The following MAP3K13 variants were observed in gnomAD, a reference collection of about 807,000 sequenced individuals.
MAP3K13 encodes the protein mitogen-activated protein kinase kinase kinase 13.
MAP3K13 carries 52 observed loss-of-function variants against 104.0 expected under a neutral mutation model. The ratio of observed to expected loss-of-function variants is 0.50; its 90% CI spans 0.40 to 0.63. The LOEUF is 0.63. Ranked by LOEUF, MAP3K13 falls within the 20% of genes least tolerant of loss-of-function variation. The probability of loss-of-function intolerance (pLI) is 0.00; values close to 1 mark genes in which losing one functional copy is unlikely to be tolerated. For missense variants in MAP3K13, 914 were observed against 1,218.5 expected (o/e 0.75, Z 3.72); for synonymous variants, 394 against 442.2 (o/e 0.89, Z 1.37).
At chr3:185,429,706 A>G (rs1714636263) in intron 2 of MAP3K13, among the ~76,000 whole-genome samples, 1 of 152,212 alleles carries the variant, frequency 6.6e-6, no homozygotes, top group Non-Finnish European at 1.5e-5. Context: ...TGGCTGCTGG[A>G]CCAATTTAAA....
chr3:185,437,830 C>G (rs114854661), intron 3 of MAP3K13, among the ~76,000 whole-genome samples, 200 bp downstream of exon 3: 1 of 151,906 alleles, frequency 6.6e-6, no homozygotes, highest in Non-Finnish European at 1.5e-5. Flanking sequence ...TTCATTTTGC[C>G]GAAGTATGTG....
intron 1 of MAP3K13, among the ~76,000 whole-genome samples, chr3:185,426,351 A>AT (rs1714417868): frequency 6.6e-6 from 1 of 152,182 alleles, no homozygotes; most frequent in South Asian, 2.1e-4. Flanking sequence ...AAGTTTTGGG[A>AT]TTACAGGCGT....
chr3:185,361,656 G>C (rs1431730037), upstream of MAP3K13, among the ~76,000 whole-genome samples: 1 of 152,104 alleles, frequency 6.6e-6, no homozygotes, highest in African/African-American at 2.4e-5. Flanking sequence ...GCCCACCTTG[G>C]CCTCCCAAAG....
intron 3 of MAP3K13, among the ~76,000 whole-genome samples, chr3:185,439,926 A>G (rs1357626477): frequency 6.6e-6 from 1 of 152,230 alleles, no homozygotes; most frequent in Admixed American, 6.5e-5. Context: ...GGCATTGTGC[A>G]GTGTTATGTT....
chr3:185,477,473 C>G, intron 12 of MAP3K13, 77 bp downstream of exon 12: 5 of 1,041,618 alleles, frequency 4.8e-6, no homozygotes, highest in Non-Finnish European at 7.5e-6. Context: ...ACCTGCTCTT[C>G]AACCACAGGT....
At position 185,307,548 on chromosome 3, in the gene MAP3K13, C is replaced by A. The variant is rs540878628; in HGVS notation, c.-86+21905C>A. ...ATTTCCATTTGGTGCACCACCCCCT[C>A]CCCCGCCACCCCGAGATGCAGTCTT... On this transcript the variant is annotated intron_variant, in intron 2 of 14. Transcript: ENST00000424227. 1.5e-4 allele frequency among the ~76,000 whole-genome samples: 19 copies of A among 128,010 alleles called. 3 individuals carry two copies. In the East Asian group the frequency reaches 4.2e-3, roughly 28 times the overall value. The allele number at this position is 128,010 out of a possible 152,430, so 84.0% of individuals were successfully genotyped here.
chr3:185,377,927 G>A (rs912266760), intron 1 of MAP3K13, among the ~76,000 whole-genome samples: 5 of 152,232 alleles, frequency 3.3e-5, no homozygotes, highest in Non-Finnish European at 5.9e-5. Flanking sequence ...GATGGGACAT[G>A]GCTTGGGAGG....
chr3:185,304,793 C>T (rs6444043), intron 2 of MAP3K13, among the ~76,000 whole-genome samples: 118,047 of 151,884 alleles, frequency 0.78, 46,415 homozygotes, highest in Non-Finnish European at 0.84. Context: ...GCCACCATGC[C>T]CAGCTAATTT....
At chr3:185,338,204 C>T (rs1030039876) in intron 2 of MAP3K13, among the ~76,000 whole-genome samples, 1 of 151,520 alleles carries the variant, frequency 6.6e-6, no homozygotes, top group African/African-American at 2.4e-5. Flanking sequence ...GTGGCGTGCT[C>T]CTATAATCCC....
chr3:185,454,856 C>CATGATATATATGAGATATATAT, intron 7 of MAP3K13, among the ~76,000 whole-genome samples: 1 of 18,580 alleles, frequency 5.4e-5, no homozygotes, highest in African/African-American at 1.3e-4. Context: ...GAGATATATA[C>CATGATATATATGAGATATATAT]ATGATATATA....
rs2148936914 is a variant in MAP3K13 at position 185,488,746 on chromosome 3, AGCATGT to A, written c.*6294_*6299del. ...ACTGCAGGCCAAGGGAACCCCAGCC[AGCATGT>A]GCAAGCTATTAGGAAGATGTCCCAT... On this transcript the variant is annotated 3_prime_UTR_variant, in exon 14 of 14. Coordinates refer to ENST00000265026, the MANE Select transcript of MAP3K13 (RefSeq NM_004721.5). 1 of 152,446 alleles carries A rather than the reference AGCATGT, an allele frequency of 6.6e-6. No homozygotes were observed. The highest frequency in any genetic ancestry group is 1.9e-4 in the East Asian group (1 of 5,194). The allele number at this position is 152,446 out of a possible 1,614,324, so 9.4% of individuals were successfully genotyped here. A position where few individuals can be genotyped will look rare whatever the true frequency, so the allele number is the denominator to read the frequency against.
rs1393831730 is a variant in MAP3K13 at position 185,453,865 on chromosome 3, A to ATACATATATATGAGATATATATG, written c.1278+2471_1278+2472insACATATATATGAGATATATATGT. Among the ~76,000 whole-genome samples, 2 of 6,310 alleles carry ATACATATATATGAGATATATATG rather than the reference A, an allele frequency of 3.2e-4. 1 individual carries two copies. Among genetic ancestry groups the ATACATATATATGAGATATATATG allele is most frequent in the African/African-American group, 5.7e-4 (2 of 3,534 alleles). The allele number at this position is 6,310 out of a possible 152,430, so 4.1% of individuals were successfully genotyped here. A position where few individuals can be genotyped will look rare whatever the true frequency, so the allele number is the denominator to read the frequency against. ...ATACATATATATGAGATATATATAT[A>ATACATATATATGAGATATATATG]TGATACATATATATGAGATATATAT... On this transcript the variant is annotated intron_variant, in intron 7 of 13. Coordinates refer to ENST00000265026, the MANE Select transcript of MAP3K13 (RefSeq NM_004721.5).
intron 2 of MAP3K13, among the ~76,000 whole-genome samples, chr3:185,352,763 CA>C (rs1319394763): frequency 3.3e-5 from 5 of 152,166 alleles, no homozygotes; most frequent in Non-Finnish European, 7.3e-5. Flanking sequence ...GCACTATGGC[CA>C]GCCCCCTTCC....
chr3:185,424,343 G>A (rs1000510163), intron 1 of MAP3K13, among the ~76,000 whole-genome samples: 4 of 152,214 alleles, frequency 2.6e-5, no homozygotes, highest in African/African-American at 9.7e-5. Flanking sequence ...ATGAAAGTGA[G>A]GAGTCATAAA....
intron 7 of MAP3K13, among the ~76,000 whole-genome samples, chr3:185,455,727 T>TC (rs1716641286): frequency 1.8e-4 from 2 of 10,870 alleles, no homozygotes; most frequent in South Asian, 7.6e-3. Context: ...ATATATATGA[T>TC]ATATATATGA....
In MAP3K13 at chr3:185,447,813, G is replaced by A. The variant is rs766769856; in HGVS notation, c.876G>A (p.Ala292=). Residue 292 remains alanine, a synonymous_variant, in exon 5 of 14, where the codon GCG becomes GCA. Coordinates refer to ENST00000265026, the MANE Select transcript of MAP3K13 (RefSeq NM_004721.5). Reference sequence around the variant, plus strand: ...GTGTTTTAGTGACCCACACAGATGCGGTAAAAATTTCAGATTTTGGTACAT... The same window carrying A: ...GTGTTTTAGTGACCCACACAGATGCAGTAAAAATTTCAGATTTTGGTACAT... ...SPNVLVTHTD[A]VKISDFGTSK... is the part of the protein sequence containing the mutation. 30 of 1,611,960 alleles carry A rather than the reference G, an allele frequency of 1.9e-5. No individual in the cohort carries two copies. The highest frequency in any genetic ancestry group is 6.6e-5 in the South Asian group (6 of 90,602).
intron 2 of MAP3K13, among the ~76,000 whole-genome samples, chr3:185,338,920 A>G (rs1210995717): frequency 2.0e-5 from 3 of 152,238 alleles, no homozygotes; most frequent in Non-Finnish European, 4.4e-5. Context: ...TAATAGAGTT[A>G]AGAGTGTATA....
intron 1 of MAP3K13, among the ~76,000 whole-genome samples, chr3:185,393,816 G>C (rs1712220433): frequency 6.6e-6 from 1 of 152,152 alleles, no homozygotes; most frequent in Admixed American, 6.5e-5. Flanking sequence ...CCCTGGGCAA[G>C]AGTACTCAAT....
intron 2 of MAP3K13, among the ~76,000 whole-genome samples, chr3:185,332,229 C>G (rs1490644272): frequency 9.9e-5 from 1 of 10,074 alleles, no homozygotes; most frequent in East Asian, 2.5e-3. Context: ...TGTGTACTCC[C>G]CCCCCCCATT....
Sources: gnomAD v4.1 joint callset for allele counts (sites outside exome capture counted in the v4.1 genomes callset) on GRCh38, gnomAD v4.1.1 for gene constraint, MANE v1.5 for transcripts, NCBI Gene and HGNC (gene_info 2026-07-23, HGNC 2026-07-21) for gene names.